Variants in FAM3C observed in about 807,000 individuals in gnomAD.
FAM3C encodes FAM3 metabolism regulating signaling molecule C.
Under a neutral mutation model 32.5 loss-of-function variants are expected in FAM3C, and 15 were observed. That is an observed-to-expected ratio of 0.46 (90% confidence interval 0.31 to 0.71). The LOEUF (loss-of-function observed/expected upper bound fraction) is 0.71, where lower values mean the gene tolerates loss of function less well. Ranked by LOEUF, FAM3C falls within the 30% of genes least tolerant of loss-of-function variation. FAM3C has a pLI of 0.05. For missense variants in FAM3C, 175 were observed against 274.4 expected (o/e 0.64, Z 2.56); for synonymous variants, 75 against 86.1 (o/e 0.87, Z 0.72).
chr7:121,372,553 A>G (rs753868216), intron 3 of FAM3C, among the ~76,000 whole-genome samples: 1 of 152,178 alleles, frequency 6.6e-6, no homozygotes, highest in Non-Finnish European at 1.5e-5. Flanking sequence ...GAGAATATAC[A>G]TGAATCTATC....
intron 1 of FAM3C, among the ~76,000 whole-genome samples, chr7:121,386,771 A>C (rs1354015484): frequency 6.6e-6 from 1 of 151,616 alleles, no homozygotes; most frequent in African/African-American, 2.4e-5. Flanking sequence ...CAAGAACAGA[A>C]TGTAAAAAAT....
At chr7:121,393,635 G>A (rs1413029985) in intron 1 of FAM3C, among the ~76,000 whole-genome samples, 1 of 152,040 alleles carries the variant, frequency 6.6e-6, no homozygotes, top group Non-Finnish European at 1.5e-5. Context: ...AATATTAATG[G>A]GTACACTGGA....
intron 2 of FAM3C, among the ~76,000 whole-genome samples, chr7:121,381,187 C>T (rs1794344375): frequency 6.6e-6 from 1 of 152,162 alleles, no homozygotes; most frequent in Non-Finnish European, 1.5e-5. Flanking sequence ...CCTCTTCCTC[C>T]TAGTCACAGA....
chr7:121,377,699 C>T (rs193094998), intron 3 of FAM3C, among the ~76,000 whole-genome samples: 3 of 152,146 alleles, frequency 2.0e-5, no homozygotes, highest in Non-Finnish European at 4.4e-5. Context: ...GTAGTGCCAT[C>T]AGATTATAGT....
At chr7:121,391,292 T>C (rs1794573328) in intron 1 of FAM3C, among the ~76,000 whole-genome samples, 1 of 152,178 alleles carries the variant, frequency 6.6e-6, no homozygotes, top group African/African-American at 2.4e-5. Flanking sequence ...TGATCTAAGC[T>C]ACCTTAATCC....
chr7:121,366,775 C>T (rs1448229355), intron 5 of FAM3C, among the ~76,000 whole-genome samples: 1 of 152,102 alleles, frequency 6.6e-6, no homozygotes, highest in Non-Finnish European at 1.5e-5. Context: ...TGCTTTACTA[C>T]TTAACCATTG....
chr7:121,377,873 G>T (rs1794270501), intron 3 of FAM3C, among the ~76,000 whole-genome samples: 1 of 152,200 alleles, frequency 6.6e-6, no homozygotes, highest in African/African-American at 2.4e-5. Context: ...ATACCATCTA[G>T]ATTTGTGTAA....
At chr7:121,358,054 G>C (rs142536540) in intron 8 of FAM3C, among the ~76,000 whole-genome samples, 72 of 152,118 alleles carry the variant, frequency 4.7e-4, no homozygotes, top group African/African-American at 1.6e-3. Context: ...TTTTTGATGA[G>C]AGCCTAATTA....
chr7:121,382,156 A>G (rs1238470712), intron 2 of FAM3C, among the ~76,000 whole-genome samples: 1 of 152,148 alleles, frequency 6.6e-6, no homozygotes, highest in Non-Finnish European at 1.5e-5. Flanking sequence ...GGTGGGGAAA[A>G]ACAGACTTAT....
chr7:121,389,852 AAGG>A (rs1264118766), intron 1 of FAM3C, among the ~76,000 whole-genome samples: 1 of 152,148 alleles, frequency 6.6e-6, no homozygotes, highest in African/African-American at 2.4e-5. Context: ...ACTGAAGTAC[AAGG>A]AGGATAGAAA....
intron 1 of FAM3C, among the ~76,000 whole-genome samples, chr7:121,389,157 A>G (rs1794527867): frequency 6.6e-6 from 1 of 152,250 alleles, no homozygotes; most frequent in East Asian, 1.9e-4. Context: ...AGGGAGAGGC[A>G]GCCAAGCCTG....
At chr7:121,389,225 T>G (rs1794529466) in intron 1 of FAM3C, among the ~76,000 whole-genome samples, 1 of 152,134 alleles carries the variant, frequency 6.6e-6, no homozygotes. Flanking sequence ...TTCATCTCAA[T>G]GTTAAGAATT....
At chr7:121,353,098 T>C (rs1793740348) in intron 8 of FAM3C, among the ~76,000 whole-genome samples, 1 of 152,176 alleles carries the variant, frequency 6.6e-6, no homozygotes, top group Non-Finnish European at 1.5e-5. Flanking sequence ...GGGTGGCTCA[T>C]AAACAGCTGA....
At chr7:121,393,097 G>T (rs1794609516) in intron 1 of FAM3C, among the ~76,000 whole-genome samples, 1 of 152,120 alleles carries the variant, frequency 6.6e-6, no homozygotes, top group South Asian at 2.1e-4. Context: ...TCCTTTTGGG[G>T]TGATGAAAAT....
At chr7:121,389,331 T>C (rs550292640) in intron 1 of FAM3C, among the ~76,000 whole-genome samples, 9 of 152,304 alleles carry the variant, frequency 5.9e-5, no homozygotes, top group African/African-American at 1.9e-4. Context: ...AACAAGTATT[T>C]AACCATGTCT....
intron 8 of FAM3C, among the ~76,000 whole-genome samples, chr7:121,354,533 C>G (rs905329826): frequency 2.0e-5 from 3 of 152,124 alleles, no homozygotes; most frequent in African/African-American, 4.8e-5. Context: ...GGAAAGGAGG[C>G]ACATCGGATA....
chr7:121,364,395 C>T, intron 5 of FAM3C: 1 of 462,752 alleles, frequency 2.2e-6, no homozygotes, highest in South Asian at 3.9e-5. Context: ...AATAATATTT[C>T]ACAAATAGAA....
Position 121,382,979 on chromosome 7 carries a change from T to A in FAM3C, c.-10A>T. ...TACCTGCTACCCTCATGTTTGGTTT[T>A]TCAGTTTATGGCACTTTTCATTAAT... On this transcript the variant is annotated 5_prime_UTR_variant, in exon 2 of 10. Coordinates refer to ENST00000359943, the MANE Select transcript of FAM3C (RefSeq NM_014888.3). 6.2e-7 allele frequency: 1 copy of A among 1,602,482 alleles called. No individual in the cohort carries two copies. Among genetic ancestry groups the A allele is most frequent in the South Asian group, 1.1e-5 (1 of 89,996 alleles).
At position 121,369,130 on chromosome 7, in the gene FAM3C, T is replaced by C. The variant is rs192770896; in HGVS notation, c.272+2170A>G. Among the ~76,000 whole-genome samples the C allele has an allele frequency of 1.4e-4, 22 of 151,998 alleles. 1 individual carries two copies. The highest frequency in any genetic ancestry group is 1.4e-3 in the Admixed American group (22 of 15,252). On this transcript the variant is annotated intron_variant, in intron 5 of 9. Transcript: ENST00000359943. ...AAGTAGCTAGGATTACAGGCCCATG[T>C]GCCACCACGCCCGGCTAACTTTTGT... is the stretch of plus-strand genomic sequence containing the variant.
Sources: gnomAD v4.1 joint callset for allele counts (sites outside exome capture counted in the v4.1 genomes callset) on GRCh38, gnomAD v4.1.1 for gene constraint, MANE v1.5 for transcripts, NCBI Gene and HGNC (gene_info 2026-07-23, HGNC 2026-07-21) for gene names.